Variants in GRID2 observed in about 807,000 individuals in gnomAD.
GRID2 encodes the protein glutamate receptor ionotropic, delta-2.
GRID2 carries 33 observed loss-of-function variants against 114.8 expected under a neutral mutation model. The observed-to-expected ratio is 0.29, with a 90% CI of 0.22 to 0.38. The LOEUF (loss-of-function observed/expected upper bound fraction) is 0.38. Ranked by LOEUF, GRID2 falls within the 10% of genes least tolerant of loss-of-function variation. The pLI is 1.00. For missense variants in GRID2, 1,184 were observed against 1,257.7 expected (o/e 0.94, Z 0.89); for synonymous variants, 505 against 449.9 (o/e 1.12, Z -1.55).
chr4:93,403,127 A>G (rs553498126), intron 9 of GRID2, among the ~76,000 whole-genome samples: 201 of 152,268 alleles, frequency 1.3e-3, no homozygotes, highest in African/African-American at 4.5e-3. Context: ...ATGTCTTACG[A>G]GGGCTCCTTC....
chr4:93,064,514 C>T (rs1012713634), intron 2 of GRID2, among the ~76,000 whole-genome samples: 3 of 151,734 alleles, frequency 2.0e-5, no homozygotes, highest in African/African-American at 7.2e-5. Context: ...CCACATTTAC[C>T]AGCTTTTGTC....
intron 1 of GRID2, among the ~76,000 whole-genome samples, chr4:92,548,212 T>G (rs2149169783): frequency 6.6e-6 from 1 of 152,152 alleles, no homozygotes; most frequent in Admixed American, 6.5e-5. Context: ...TTAGGTGCAC[T>G]ACTCGCTGAG....
At chr4:93,025,026 G>A (rs2149250649) in intron 2 of GRID2, among the ~76,000 whole-genome samples, 1 of 151,656 alleles carries the variant, frequency 6.6e-6, no homozygotes, top group Non-Finnish European at 1.5e-5. Flanking sequence ...TGAAAAAGTG[G>A]CATTCAGCAC....
At position 93,156,018 on chromosome 4, in the gene GRID2, G is replaced by T. The variant is rs148208850; in HGVS notation, c.735+45065G>T. ...GAAACGATAAATGCTCGAGGTGATG[G>T]ATACCCAATTACCACAATGTGATTG... On this transcript the variant is annotated intron_variant, in intron 4 of 15. Transcript: ENST00000282020. Among the ~76,000 whole-genome samples the T allele has an allele frequency of 4.2e-3, 633 of 151,674 alleles. 8 individuals are homozygous for T. Among genetic ancestry groups the T allele is most frequent in the African/African-American group, 0.015 (610 of 41,470 alleles).
chr4:93,010,389 A>G (rs1259500953), intron 2 of GRID2, among the ~76,000 whole-genome samples: 1 of 151,860 alleles, frequency 6.6e-6, no homozygotes, highest in East Asian at 1.9e-4. Context: ...ACTTAGGAAA[A>G]CCGTTTGCTT....
At chr4:93,013,206 A>C (rs1478037891) in intron 2 of GRID2, among the ~76,000 whole-genome samples, 1 of 152,090 alleles carries the variant, frequency 6.6e-6, no homozygotes, top group African/African-American at 2.4e-5. Flanking sequence ...GGAAGTTGAC[A>C]TAACGAAAAA....
intron 2 of GRID2, among the ~76,000 whole-genome samples, chr4:92,696,617 T>C (rs969663445): frequency 6.6e-6 from 1 of 152,154 alleles, no homozygotes. Flanking sequence ...GCCAGAATCG[T>C]ATATCCATAT....
chr4:92,740,897 C>A (rs1736864627), intron 2 of GRID2, among the ~76,000 whole-genome samples: 1 of 152,058 alleles, frequency 6.6e-6, no homozygotes, highest in African/African-American at 2.4e-5. Context: ...CAGGTGCCTG[C>A]CACCATGCCT....
At chr4:92,960,981 C>A (rs1345454296) in intron 2 of GRID2, among the ~76,000 whole-genome samples, 1 of 151,612 alleles carries the variant, frequency 6.6e-6, no homozygotes, top group East Asian at 1.9e-4. Context: ...ACAACTAATC[C>A]AAGTCCACCT....
At chr4:92,529,925 A>G (rs907995497) in intron 1 of GRID2, among the ~76,000 whole-genome samples, 13 of 152,152 alleles carry the variant, frequency 8.5e-5, no homozygotes, top group Admixed American at 2.0e-4. Context: ...CCCGGCTACA[A>G]TTACATATGG....
At chr4:92,926,288 A>G (rs1749803840) in intron 2 of GRID2, among the ~76,000 whole-genome samples, 1 of 151,984 alleles carries the variant, frequency 6.6e-6, no homozygotes, top group Non-Finnish European at 1.5e-5. Flanking sequence ...ATTTACGGTT[A>G]TGTAGACATT....
chr4:93,203,721 T>G (rs1175017289), intron 4 of GRID2, among the ~76,000 whole-genome samples: 1 of 152,150 alleles, frequency 6.6e-6, no homozygotes, highest in East Asian at 1.9e-4. Flanking sequence ...ATTCTACTAC[T>G]AAAGATTTGT....
At chr4:92,495,272 C>A (rs776982323) in intron 1 of GRID2, among the ~76,000 whole-genome samples, 1 of 151,962 alleles carries the variant, frequency 6.6e-6, no homozygotes, top group African/African-American at 2.4e-5. Context: ...TACCTCTGAG[C>A]ATCTGGTTAT....
intron 2 of GRID2, among the ~76,000 whole-genome samples, chr4:92,920,350 T>G (rs1430946958): frequency 1.3e-5 from 2 of 152,212 alleles, no homozygotes; most frequent in East Asian, 3.9e-4. Context: ...CATTTACATT[T>G]AAAATTCATA....
chr4:92,456,432 T>C (rs947324285), intron 1 of GRID2, among the ~76,000 whole-genome samples: 1 of 152,138 alleles, frequency 6.6e-6, no homozygotes, highest in South Asian at 2.1e-4. Flanking sequence ...AAAGTAAGAC[T>C]TGATACGTGA....
At chr4:92,642,529 G>A (rs184301489) in intron 2 of GRID2, among the ~76,000 whole-genome samples, 15 of 151,880 alleles carry the variant, frequency 9.9e-5, no homozygotes, top group Admixed American at 9.9e-4. Context: ...TTCCGGAGAT[G>A]AGACCTTTGT....
intron 1 of GRID2, among the ~76,000 whole-genome samples, chr4:92,492,761 CA>C (rs1723201724): frequency 6.6e-6 from 1 of 151,798 alleles, no homozygotes; most frequent in Non-Finnish European, 1.5e-5. Flanking sequence ...TGAAATCCAC[CA>C]AAAAAATTTT....
At chr4:92,907,449 T>C (rs545354788) in intron 2 of GRID2, among the ~76,000 whole-genome samples, 53 of 152,254 alleles carry the variant, frequency 3.5e-4, no homozygotes, top group Middle Eastern at 6.8e-3. Context: ...TTCGCTCTTG[T>C]TTCCCAGGCT....
At chr4:93,248,434 GC>G (rs1748447830) in intron 8 of GRID2, among the ~76,000 whole-genome samples, 1 of 152,058 alleles carries the variant, frequency 6.6e-6, no homozygotes, top group South Asian at 2.1e-4. Flanking sequence ...TGTGTTGGAA[GC>G]CTACCACAGA....
Sources: gnomAD v4.1 joint callset for allele counts (sites outside exome capture counted in the v4.1 genomes callset) on GRCh38, gnomAD v4.1.1 for gene constraint, MANE v1.5 for transcripts, NCBI Gene and HGNC (gene_info 2026-07-23, HGNC 2026-07-21) for gene names.